The following SORCS2 variants were observed in gnomAD, a reference collection of about 807,000 sequenced individuals.
The protein encoded by SORCS2 is sortilin related VPS10 domain containing receptor 2.
A neutral mutation model predicts 141.6 loss-of-function variants in SORCS2; 100 were observed. The observed-to-expected ratio is 0.71, with a 90% CI of 0.60 to 0.83. SORCS2 has a LOEUF of 0.83. Ranked by LOEUF, SORCS2 falls within the 40% of genes least tolerant of loss-of-function variation. The probability of loss-of-function intolerance (pLI) is 0.00; values close to 1 mark genes in which losing one functional copy is unlikely to be tolerated. For synonymous variants in SORCS2, 789 were observed against 676.9 expected (o/e 1.17, Z -2.57); for missense variants, 1,646 against 1,560.2 (o/e 1.05, Z -0.93).
chr4:7,225,421 C>T (rs951562362), intron 1 of SORCS2, among the ~76,000 whole-genome samples: 12 of 152,196 alleles, frequency 7.9e-5, no homozygotes, highest in Admixed American at 2.0e-4. Context: ...CAGCATTTTG[C>T]GAAATCCGAA....
intron 3 of SORCS2, among the ~76,000 whole-genome samples, chr4:7,585,845 A>G (rs1380849858): frequency 6.6e-6 from 1 of 152,192 alleles, no homozygotes; most frequent in African/African-American, 2.4e-5. Flanking sequence ...GGACAGCTTG[A>G]CTGAAGGTGA....
intron 1 of SORCS2, among the ~76,000 whole-genome samples, chr4:7,347,367 C>A (rs922383717): frequency 6.6e-6 from 1 of 152,238 alleles, no homozygotes; most frequent in Non-Finnish European, 1.5e-5. Flanking sequence ...ATGGGCCACG[C>A]CTCGTGCCGG....
chr4:7,260,479 T>C (rs1304347037), intron 1 of SORCS2, among the ~76,000 whole-genome samples: 1 of 152,226 alleles, frequency 6.6e-6, no homozygotes, highest in Non-Finnish European at 1.5e-5. Flanking sequence ...AACAAACATG[T>C]CATTTGCTTT....
At chr4:7,369,836 G>A (rs141517681) in intron 1 of SORCS2, among the ~76,000 whole-genome samples, 25 of 152,288 alleles carry the variant, frequency 1.6e-4, no homozygotes, top group African/African-American at 4.3e-4. Flanking sequence ...TCCCTACCCC[G>A]ATGCTCACAC....
chr4:7,227,257 C>A (rs1177787069), intron 1 of SORCS2, among the ~76,000 whole-genome samples: 1 of 152,188 alleles, frequency 6.6e-6, no homozygotes, highest in East Asian at 1.9e-4. Context: ...GGCTCCACAC[C>A]CCCACTTGCA....
At chr4:7,724,088 GTGGTGATATTGATGATAGTGGTGGTGA>G (rs1726794735) in intron 19 of SORCS2, among the ~76,000 whole-genome samples, 1 of 152,048 alleles carries the variant, frequency 6.6e-6, no homozygotes, top group Non-Finnish European at 1.5e-5. Flanking sequence ...CTGGTAGCTG[GTGGTGATATTGATGATAGTGGTGGTGA>G]TGGTGGTGGT....
chr4:7,222,447 C>T (rs977365182), intron 1 of SORCS2, among the ~76,000 whole-genome samples: 8 of 152,108 alleles, frequency 5.3e-5, no homozygotes, highest in East Asian at 1.9e-4. Context: ...GCCATAGGGA[C>T]GGAAAGCAGG....
intron 1 of SORCS2, among the ~76,000 whole-genome samples, chr4:7,248,413 G>C (rs1713277464): frequency 6.6e-6 from 1 of 152,202 alleles, no homozygotes; most frequent in African/African-American, 2.4e-5. Context: ...CTTTGGTCAA[G>C]TTACTTAACC....
intron 1 of SORCS2, among the ~76,000 whole-genome samples, chr4:7,285,036 A>ATATAT (rs1553826991): frequency 9.3e-4 from 131 of 140,108 alleles, no homozygotes; most frequent in African/African-American, 2.9e-3. Flanking sequence ...ATATATATAT[A>ATATAT]TTTTTTTTTT....
chr4:7,373,458 T>TATATATATATATATATA lies in SORCS2; in HGVS notation c.481-22830_481-22829insATATATATATATATATA, dbSNP rs60884163. The stretch of plus-strand genomic sequence containing the variant: ...TGTTGTATTGAATTGTGAGAAACTT[T>TATATATATATATATATA]TATATATATATATATATATATTTTT... On this transcript the variant is annotated intron_variant, in intron 1 of 26. Transcript: ENST00000507866. 2.0e-3 allele frequency among the ~76,000 whole-genome samples: 163 copies of TATATATATATATATATA among 82,700 alleles called. 28 individuals carry two copies. The highest frequency in any genetic ancestry group is 7.3e-3 in the African/African-American group (103 of 14,054). 54.3% of individuals were successfully genotyped at this position (82,700 alleles called of 152,430 possible). A position where few individuals can be genotyped will look rare whatever the true frequency, so the allele number is the denominator to read the frequency against.
chr4:7,211,385 T>C (rs1027695671), intron 1 of SORCS2, among the ~76,000 whole-genome samples: 2 of 152,054 alleles, frequency 1.3e-5, no homozygotes, highest in East Asian at 1.9e-4. Context: ...CATTGATTGA[T>C]TGATTATTTA....
chr4:7,722,866 A>G (rs1363493749), intron 18 of SORCS2, among the ~76,000 whole-genome samples: 1 of 152,196 alleles, frequency 6.6e-6, no homozygotes, highest in Non-Finnish European at 1.5e-5. Flanking sequence ...GAAGATGGCT[A>G]AGTGGTTAGT....
At position 7,373,478 on chromosome 4, in the gene SORCS2, A is replaced by ATATATAAT. The variant is rs1470691140; in HGVS notation, c.481-22809_481-22808insATATAATT. Reference sequence around the variant, plus strand: ...AACTTTTATATATATATATATATATATTTTTTTTTTTTTTTTTTTTTTTTT... The same window carrying ATATATAAT: ...AACTTTTATATATATATATATATATATATATAATTTTTTTTTTTTTTTTTTTTTTTTTT... On this transcript the variant is annotated intron_variant, in intron 1 of 26. Coordinates refer to ENST00000507866, the MANE Select transcript of SORCS2 (RefSeq NM_020777.3). Among the ~76,000 whole-genome samples the ATATATAAT allele has an allele frequency of 5.4e-4, 20 of 36,818 alleles. 2 individuals carry two copies. The highest frequency in any genetic ancestry group is 3.2e-3 in the African/African-American group (20 of 6,272). The allele number at this position is 36,818 out of a possible 152,430, so 24.2% of individuals were successfully genotyped here. A position where few individuals can be genotyped will look rare whatever the true frequency, so the allele number is the denominator to read the frequency against.
intron 14 of SORCS2, among the ~76,000 whole-genome samples, chr4:7,709,412 C>T (rs1725682356): frequency 6.6e-6 from 1 of 152,248 alleles, no homozygotes; most frequent in Non-Finnish European, 1.5e-5. Flanking sequence ...TCATCCCCCA[C>T]CCACAGGTGA....
At chr4:7,325,666 T>A (rs1012353238) in intron 1 of SORCS2, among the ~76,000 whole-genome samples, 2 of 152,204 alleles carry the variant, frequency 1.3e-5, no homozygotes, top group African/African-American at 4.8e-5. Context: ...CACGGCGCTC[T>A]GGAAGGCCCC....
chr4:7,317,483 G>A (rs1270338910), intron 1 of SORCS2, among the ~76,000 whole-genome samples: 6 of 152,208 alleles, frequency 3.9e-5, no homozygotes, highest in Admixed American at 3.9e-4. Context: ...CTCTGGGCGG[G>A]CCTGCCACCG....
rs1479548209 is a variant in SORCS2 at position 7,192,924 on chromosome 4, C to T, written c.278C>T (p.Ala93Val). ...CAGGCGCGCGGCACGGAGCCAGGCGCCCCGGGTCCGAGTCCCGGTCCCGCT... is the reference window on the plus strand; with the variant it reads ...CAGGCGCGCGGCACGGAGCCAGGCGTCCCGGGTCCGAGTCCCGGTCCCGCT... ...DRQARGTEPG[A>V]PGPSPGPAPG... Residue 93 changes from alanine (A) to valine (V), a missense_variant, in exon 1 of 27, where the codon GCC becomes GTC. Transcript: ENST00000507866. The surrounding 1 kb of genome is among the most constrained non-coding windows in gnomAD (Gnocchi z 4.0). 2.4e-6 allele frequency: 3 copies of T among 1,248,354 alleles called. No individual in the cohort carries two copies. The highest frequency in any genetic ancestry group is 3.0e-6 in the Non-Finnish European group (3 of 998,950). The allele number at this position is 1,248,354 out of a possible 1,614,324, so 77.3% of individuals were successfully genotyped here.
At chr4:7,676,312 C>T in intron 9 of SORCS2, 83 bp downstream of exon 9, 2 of 1,408,444 alleles carry the variant, frequency 1.4e-6, no homozygotes, top group Non-Finnish European at 1.9e-6. Flanking sequence ...CTCCCCCCTC[C>T]CCTCCCGCCT....
chr4:7,674,135 G>T (rs1192284763), intron 8 of SORCS2, among the ~76,000 whole-genome samples: 9 of 152,020 alleles, frequency 5.9e-5, no homozygotes, highest in African/African-American at 2.2e-4. Flanking sequence ...GGACGGCCAG[G>T]CTCTGGCACC....
Sources: gnomAD v4.1 joint callset for allele counts (sites outside exome capture counted in the v4.1 genomes callset) on GRCh38, gnomAD v4.1.1 for gene constraint, Gnocchi (gnomAD v3.1) non-coding constraint, MANE v1.5 for transcripts, NCBI Gene and HGNC (gene_info 2026-07-23, HGNC 2026-07-21) for gene names.